CACNB1: variants seen among roughly 807,000 people sequenced by gnomAD.
CACNB1 encodes the protein voltage-dependent L-type calcium channel subunit beta-1.
Under a neutral mutation model 71.6 loss-of-function variants are expected in CACNB1, and 29 were observed. The ratio of observed to expected loss-of-function variants is 0.40; its 90% CI spans 0.30 to 0.55. The LOEUF is 0.55. Ranked by LOEUF, CACNB1 falls within the 20% of genes least tolerant of loss-of-function variation. CACNB1 has a pLI of 0.38. For synonymous variants in CACNB1, 300 were observed against 319.6 expected (o/e 0.94, Z 0.65); for missense variants, 623 against 801.8 (o/e 0.78, Z 2.69).
rs750862091 is a variant in CACNB1 at position 39,184,356 on chromosome 17, A to G, written c.757T>C (p.Phe253Leu). The change falls in exon 9 of 14, where the codon TTT (phenylalanine) becomes CTT (leucine). Residue 253 changes from phenylalanine to leucine, a missense_variant. Coordinates refer to ENST00000394303, the MANE Select transcript of CACNB1 (RefSeq NM_000723.5). The part of the protein sequence containing the change: ...EVTDMMQKAL[F>L]DFLKHRFDGR... ...TCAAACCGATGCTTCAAGAAGTCAA[A>G]TAAAGCTTTCTGCATCATGTCTGTA... 1.3e-6 allele frequency: 2 copies of G among 1,548,306 alleles called. No homozygotes were observed. Among genetic ancestry groups the G allele is most frequent in the South Asian group, 2.4e-5 (2 of 84,104 alleles).
intron 1 of CACNB1, 184 bp from the exon 2 acceptor site, chr17:39,195,154 G>A: frequency 7.1e-6 from 4 of 562,566 alleles, no homozygotes; most frequent in Non-Finnish European, 1.3e-5. Flanking sequence ...TCCTCACGGA[G>A]AGGGCCCAGA....
In CACNB1 at chr17:39,175,558, G is replaced by A. The variant is rs778787059; in HGVS notation, c.1432C>T (p.Leu478Phe). 10 of 1,613,428 alleles carry A rather than the reference G, an allele frequency of 6.2e-6. No individual in the cohort carries two copies. In the African/African-American group the frequency reaches 1.3e-4, roughly 22 times the overall value. The part of the protein sequence containing the change: ...YPGELGQPPG[L>F]YPSSHPPGRA... Reference sequence around the variant, plus strand: ...CCTGGTGGGTGGCTGCTGGGGTAAAGGCCTGGGGGCTGGCCCAGCTCCCCT... The same window carrying A: ...CCTGGTGGGTGGCTGCTGGGGTAAAAGCCTGGGGGCTGGCCCAGCTCCCCT... The change falls in exon 14 of 14, where the codon CTT becomes TTT. Residue 478 changes from leucine (L) to phenylalanine (F), a missense_variant. Transcript: ENST00000394303. The surrounding 1 kb of genome is among the most constrained non-coding windows in gnomAD (Gnocchi z 4.7).
intron 13 of CACNB1, among the ~76,000 whole-genome samples, chr17:39,176,734 C>T (rs956163534): frequency 2.6e-5 from 4 of 152,178 alleles, no homozygotes; most frequent in Non-Finnish European, 4.4e-5. Context: ...CTGTGGCTCC[C>T]ATGGGAGGAG....
In CACNB1 at chr17:39,191,486, G is replaced by C; in HGVS notation, c.279C>G (p.Leu93=). The C allele has an allele frequency of 6.2e-7, 1 of 1,602,088 alleles. No individual in the cohort carries two copies. The highest frequency in any genetic ancestry group is 8.5e-7 in the Non-Finnish European group (1 of 1,176,408). ...ACATCTTTCTCACCTTGGCCTTCTC[G>C]AGCTGCGCTAATGCCTGGCGCTCTG... ...KEAERQALAQ[L]EKAKTKPVAF... is the part of the protein sequence containing the mutation. Residue 93 remains leucine, a synonymous_variant, in exon 3 of 14, where the codon CTC becomes CTG. Transcript: ENST00000394303.
rs748680958 is a variant in CACNB1 at position 39,177,234 on chromosome 17, C to CA, written c.1332+115dup. The CA allele has an allele frequency of 1.9e-6, 3 of 1,568,808 alleles. No individual in the cohort carries two copies. In the East Asian group the frequency reaches 6.8e-5, roughly 36 times the overall value. ...ACCCCAGAGCAGGAGGGAAGACGGG[C>CA]AGGGCGCCCACTACATGGCATGTTC... is the stretch of plus-strand genomic sequence containing the variant. On this transcript the variant is annotated intron_variant, in intron 13 of 13. Coordinates refer to ENST00000394303, the MANE Select transcript of CACNB1 (RefSeq NM_000723.5).
At chr17:39,197,384 C>T (rs2046223569) in intron 1 of CACNB1, 28 bp downstream of exon 1, 2 of 1,408,620 alleles carry the variant, frequency 1.4e-6, no homozygotes, top group African/African-American at 3.1e-5. Flanking sequence ...GCGACCCCCT[C>T]CCGTTGGGCC....
chr17:39,188,337 A>C (rs1263271877), intron 3 of CACNB1, among the ~76,000 whole-genome samples: 1 of 152,034 alleles, frequency 6.6e-6, no homozygotes, highest in Non-Finnish European at 1.5e-5. Context: ...GCATTTTGGG[A>C]GGCAGAGGCA....
Position 39,175,305 on chromosome 17 carries a change from T to C in CACNB1, c.1685A>G (p.Asn562Ser), listed in dbSNP as rs1223890725. The change falls in exon 14 of 14, where the codon AAC becomes AGC. Residue 562 changes from asparagine (N) to serine (S), a missense_variant. Physicochemically the swap from Asn to Ser is conservative, Grantham distance 46. Coordinates refer to ENST00000394303, the MANE Select transcript of CACNB1 (RefSeq NM_000723.5). This position sits in a 1 kb window ranked among gnomAD's most constrained non-coding sequence, Gnocchi z 4.7. ...GGCCTTATTCCGGCCCCGGTTCCGG[T>C]TGTCGGTCAGCTCTTCCTCATAGTC... ...EEDYEEELTD[N>S]RNRGRNKARY... The C allele has an allele frequency of 1.2e-6, 2 of 1,614,094 alleles. No individual in the cohort carries two copies. The highest frequency in any genetic ancestry group is 1.7e-6 in the Non-Finnish European group (2 of 1,179,990).
chr17:39,194,767 A>G lies in CACNB1; in HGVS notation c.171+117T>C. The stretch of plus-strand genomic sequence containing the variant: ...GGTGTCAGGGTGATGGGGTGGCTCC[A>G]GGCAGGTGACAAATGGCACAGGGAA... On this transcript the variant is annotated intron_variant, in intron 2 of 13. Coordinates refer to ENST00000394303, the MANE Select transcript of CACNB1 (RefSeq NM_000723.5). The surrounding 1 kb of genome is among the most constrained non-coding windows in gnomAD (Gnocchi z 4.6). 2 of 684,422 alleles carry G rather than the reference A, an allele frequency of 2.9e-6. No individual in the cohort carries two copies. Among genetic ancestry groups the G allele is most frequent in the Non-Finnish European group, 5.1e-6 (2 of 395,750 alleles). 42.4% of individuals were successfully genotyped at this position (684,422 alleles called of 1,614,324 possible).
intron 3 of CACNB1, among the ~76,000 whole-genome samples, chr17:39,191,008 T>C (rs922472465): frequency 6.6e-6 from 1 of 151,538 alleles, no homozygotes; most frequent in Non-Finnish European, 1.5e-5. Context: ...ATCGAGACCA[T>C]CCTGGCTAAC....
chr17:39,194,631 C>CA lies in CACNB1; in HGVS notation c.171+252_171+253insT, dbSNP rs1339454468. On this transcript the variant is annotated intron_variant, in intron 2 of 13. Coordinates refer to ENST00000394303, the MANE Select transcript of CACNB1 (RefSeq NM_000723.5). This position sits in a 1 kb window ranked among gnomAD's most constrained non-coding sequence, Gnocchi z 4.6. ...GCCAGGCTGTCCCTGAATGAGATGA[C>CA]GCAGGCCAGCAGGCAGCAGGGGAGG... Among the ~76,000 whole-genome samples the CA allele has an allele frequency of 2.0e-5, 3 of 151,718 alleles. No homozygotes were observed. The highest frequency in any genetic ancestry group is 7.3e-5 in the African/African-American group (3 of 41,284).
In CACNB1 at chr17:39,186,342, T is replaced by C. The variant is rs1324781627; in HGVS notation, c.628+154A>G. 3.1e-6 allele frequency: 2 copies of C among 641,138 alleles called. No homozygotes were observed. Among genetic ancestry groups the C allele is most frequent in the Non-Finnish European group, 5.5e-6 (2 of 366,454 alleles). The allele number at this position is 641,138 out of a possible 1,614,324, so 39.7% of individuals were successfully genotyped here. A position where few individuals can be genotyped will look rare whatever the true frequency, so the allele number is the denominator to read the frequency against. ...GACATGACAGGCCCAGCTTGAGGGG[T>C]AGCCTACTCTTCATGGAGGGGGAAC... On this transcript the variant is annotated intron_variant, in intron 6 of 13. Coordinates refer to ENST00000394303, the MANE Select transcript of CACNB1 (RefSeq NM_000723.5). This position sits in a 1 kb window ranked among gnomAD's most constrained non-coding sequence, Gnocchi z 4.1.
intron 11 of CACNB1, among the ~76,000 whole-genome samples, chr17:39,181,780 G>T (rs1405611068): frequency 6.6e-6 from 1 of 152,184 alleles, no homozygotes; most frequent in African/African-American, 2.4e-5. Context: ...ACTTAGGGAG[G>T]CTGAGGCAGG....
In CACNB1 at chr17:39,175,679, C is replaced by T. The variant is rs2045560225; in HGVS notation, c.1333-22G>A. Reference sequence around the variant, plus strand: ...GTCCCTGGTTAGCAGACGGACAGCACACACCATGCAGATCAGGCAGGGGTG... The same window carrying T: ...GTCCCTGGTTAGCAGACGGACAGCATACACCATGCAGATCAGGCAGGGGTG... On this transcript the variant is annotated intron_variant, in intron 13 of 13. Coordinates refer to ENST00000394303, the MANE Select transcript of CACNB1 (RefSeq NM_000723.5). The surrounding 1 kb of genome is among the most constrained non-coding windows in gnomAD (Gnocchi z 4.7). 6.6e-7 allele frequency: 1 copy of T among 1,507,832 alleles called. No individual in the cohort carries two copies. The allele number at this position is 1,507,832 out of a possible 1,614,324, so 93.4% of individuals were successfully genotyped here.
At chr17:39,196,761 T>G (rs1459571456) in intron 1 of CACNB1, among the ~76,000 whole-genome samples, 2 of 135,204 alleles carry the variant, frequency 1.5e-5, no homozygotes, top group African/African-American at 5.4e-5. Context: ...CATCCAACTT[T>G]CCAAACTTTG....
chr17:39,183,057 C>T (rs1409126135), intron 11 of CACNB1: 7 of 557,624 alleles, frequency 1.3e-5, no homozygotes, highest in South Asian at 7.8e-5. Context: ...AAAAGTAAGG[C>T]GGCCTTCCTA....
chr17:39,187,231 A>C, intron 4 of CACNB1: 1 of 603,968 alleles, frequency 1.7e-6, no homozygotes. Context: ...GGATACCTAC[A>C]TGTCCCTGGC....
Position 39,175,135 on chromosome 17 carries a change from C to T in CACNB1, c.*58G>A. The T allele has an allele frequency of 7.2e-7, 1 of 1,392,248 alleles. No individual in the cohort carries two copies. Among genetic ancestry groups the T allele is most frequent in the South Asian group, 1.3e-5 (1 of 76,416 alleles). 86.2% of individuals were successfully genotyped at this position (1,392,248 alleles called of 1,614,324 possible). A position where few individuals can be genotyped will look rare whatever the true frequency, so the allele number is the denominator to read the frequency against. On this transcript the variant is annotated 3_prime_UTR_variant, in exon 14 of 14. Transcript: ENST00000394303. This position sits in a 1 kb window ranked among gnomAD's most constrained non-coding sequence, Gnocchi z 4.7. ...GAATACATGTCAGGTGTGAGCCCCT[C>T]GCTCCCTCCCCTCCCCTGGGCTCAG...
chr17:39,186,828 C>A lies in CACNB1; in HGVS notation c.516G>T (p.Gln172His), dbSNP rs778158618. ...GGCGGTTCTGGCGCAGCTTCTGTTC[C>A]TGCAGCAGGCGAAGGCTGTCCAGTT... ...PVKLDSLRLLQEQKLRQNRLG... is the reference protein window; with the variant it reads ...PVKLDSLRLLHEQKLRQNRLG... Residue 172 changes from glutamine (Q) to histidine (H), a missense_variant, in exon 5 of 14, where the codon CAG (glutamine) becomes CAT (histidine). Gln to His is a conservative substitution (Grantham distance 24, BLOSUM62 0). Coordinates refer to ENST00000394303, the MANE Select transcript of CACNB1 (RefSeq NM_000723.5). The surrounding 1 kb of genome is among the most constrained non-coding windows in gnomAD (Gnocchi z 4.1). The A allele has an allele frequency of 6.2e-7, 1 of 1,614,140 alleles. No individual in the cohort carries two copies. The highest frequency in any genetic ancestry group is 1.1e-5 in the South Asian group (1 of 91,084).
Sources: gnomAD v4.1 joint callset for allele counts (sites outside exome capture counted in the v4.1 genomes callset) on GRCh38, gnomAD v4.1.1 for gene constraint, Gnocchi (gnomAD v3.1) non-coding constraint, MANE v1.5 for transcripts, NCBI Gene and HGNC (gene_info 2026-07-23, HGNC 2026-07-21) for gene names.